Variants in UGT8 observed in about 807,000 individuals in gnomAD.
The protein encoded by UGT8 is 2-hydroxyacylsphingosine 1-beta-galactosyltransferase.
In UGT8, 12 loss-of-function variants were observed where a neutral mutation model predicts 40.5. That is an observed-to-expected ratio of 0.30 (90% CI 0.19 to 0.48). The LOEUF (loss-of-function observed/expected upper bound fraction) is 0.48, where lower values mean the gene tolerates loss of function less well. UGT8 is among the 20% of genes least tolerant of loss of function. UGT8 has a pLI of 0.99. For synonymous variants in UGT8, 224 were observed against 240.4 expected (o/e 0.93, Z 0.63); for missense variants, 513 against 648.7 (o/e 0.79, Z 2.27).
At chr4:114,652,230 A>G (rs1733932418) in intron 2 of UGT8, among the ~76,000 whole-genome samples, 1 of 152,058 alleles carries the variant, frequency 6.6e-6, no homozygotes, top group South Asian at 2.1e-4. Flanking sequence ...TACTTCTAAC[A>G]AAGGAAATCA....
At chr4:114,615,164 G>A (rs1731329277) in intron 1 of UGT8, among the ~76,000 whole-genome samples, 1 of 151,604 alleles carries the variant, frequency 6.6e-6, no homozygotes, top group Admixed American at 6.6e-5. Context: ...CACATGGTGG[G>A]ATATGAGTAC....
At chr4:114,670,074 C>T (rs192635502) in intron 5 of UGT8, among the ~76,000 whole-genome samples, 1 of 152,200 alleles carries the variant, frequency 6.6e-6, no homozygotes, top group African/African-American at 2.4e-5. Context: ...ATGAAGCCAG[C>T]ATTATCCTGA....
Position 114,677,916 on chromosome 4 carries a change from C to T in UGT8, c.*1628C>T, listed in dbSNP as rs1735749572. The T allele has an allele frequency of 6.6e-6, 1 of 152,214 alleles. No homozygotes were observed. Among genetic ancestry groups the T allele is most frequent in the South Asian group, 2.1e-4 (1 of 4,832 alleles). 9.4% of individuals were successfully genotyped at this position (152,214 alleles called of 1,614,324 possible). A position where few individuals can be genotyped will look rare whatever the true frequency, so the allele number is the denominator to read the frequency against. On this transcript the variant is annotated 3_prime_UTR_variant, in exon 6 of 6. Transcript: ENST00000310836. ...TCTCCTGCACTTAGAAATAATGTCA[C>T]AAGTAGTTTTCTAATGTACAATGCA...
At chr4:114,632,185 TA>T (rs1265765961) in intron 2 of UGT8, among the ~76,000 whole-genome samples, 3 of 152,298 alleles carry the variant, frequency 2.0e-5, no homozygotes, top group Admixed American at 6.5e-5. Context: ...GAATTCTGAT[TA>T]ATATAAACAT....
intron 2 of UGT8, among the ~76,000 whole-genome samples, chr4:114,627,179 C>A (rs1287806255): frequency 6.6e-6 from 1 of 150,612 alleles, no homozygotes; most frequent in Non-Finnish European, 1.5e-5. Context: ...CAGTAGAGAA[C>A]ATGGATAAAG....
In UGT8 at chr4:114,668,214, A is replaced by G. The variant is rs563311383; in HGVS notation, c.1172A>G (p.Gln391Arg). The G allele has an allele frequency of 2.5e-6, 4 of 1,613,936 alleles. No individual in the cohort carries two copies. Among genetic ancestry groups the G allele is most frequent in the African/African-American group, 1.3e-5 (1 of 75,040 alleles). ...CATTATGATACTATGACCAGAGTAC[A>G]GGCAAAAGGCATGGGGATATTGCTA... ...GDHYDTMTRVQAKGMGILLEW... is the reference protein window; with the variant it reads ...GDHYDTMTRVRAKGMGILLEW... Residue 391 changes from glutamine to arginine, a missense_variant, in exon 5 of 6, where the codon CAG becomes CGG. Around this residue, in one of 3 missense-constraint regions of UGT8, gnomAD observed 175 missense variants for 186.7 expected, o/e 0.94. Transcript: ENST00000310836.
intron 2 of UGT8, among the ~76,000 whole-genome samples, chr4:114,626,335 G>A (rs1732218551): frequency 1.3e-5 from 2 of 152,166 alleles, no homozygotes; most frequent in Admixed American, 6.5e-5. Context: ...GGAAGGCCCA[G>A]AAAGTAGCTG....
At chr4:114,641,961 A>G (rs1733249640) in intron 2 of UGT8, among the ~76,000 whole-genome samples, 1 of 152,206 alleles carries the variant, frequency 6.6e-6, no homozygotes, top group Non-Finnish European at 1.5e-5. Flanking sequence ...TTACAAGATG[A>G]CATGCAATAG....
Position 114,659,671 on chromosome 4 carries a change from G to A in UGT8, c.823-4324G>A, listed in dbSNP as rs995603118. ...ATTCCTGTATTGAGTGAAATGGAAG[G>A]CTTATTCTGTACCTTATCCACAAAT... On this transcript the variant is annotated intron_variant, in intron 2 of 5. Coordinates refer to ENST00000310836, the MANE Select transcript of UGT8 (RefSeq NM_001128174.3). 1.2e-4 allele frequency among the ~76,000 whole-genome samples: 19 copies of A among 152,184 alleles called. No individual in the cohort carries two copies. In the South Asian group the frequency reaches 3.7e-3, roughly 30 times the overall value.
intron 5 of UGT8, among the ~76,000 whole-genome samples, chr4:114,673,292 A>G (rs1735415331): frequency 6.6e-6 from 1 of 152,322 alleles, no homozygotes; most frequent in South Asian, 2.1e-4. Flanking sequence ...TTCAGCATGG[A>G]AAATACCTGC....
At chr4:114,660,190 A>C (rs1167222254) in intron 2 of UGT8, among the ~76,000 whole-genome samples, 2 of 152,192 alleles carry the variant, frequency 1.3e-5, no homozygotes, top group Non-Finnish European at 2.9e-5. Context: ...AAAAAAAGAC[A>C]TTTATCCTTC....
chr4:114,644,823 T>A (rs1427036825), intron 2 of UGT8, among the ~76,000 whole-genome samples: 1 of 152,178 alleles, frequency 6.6e-6, no homozygotes, highest in African/African-American at 2.4e-5. Flanking sequence ...CATACATCTC[T>A]GCATGGTCCC....
Position 114,657,189 on chromosome 4 carries a change from G to A in UGT8, c.823-6806G>A, listed in dbSNP as rs543369411. Among the ~76,000 whole-genome samples the A allele has an allele frequency of 1.5e-4, 22 of 151,494 alleles. No individual in the cohort carries two copies. The East Asian group carries it at 2.3e-3, about 16-fold the overall frequency. ...AGTACCTTGCCATCATCATATCCTCGGGATGTCCCTGCTGCTTGTGTTCAG... is the reference window on the plus strand; with the variant it reads ...AGTACCTTGCCATCATCATATCCTCAGGATGTCCCTGCTGCTTGTGTTCAG... On this transcript the variant is annotated intron_variant, in intron 2 of 5. Transcript: ENST00000310836.
intron 2 of UGT8, among the ~76,000 whole-genome samples, chr4:114,647,556 G>C (rs966620501): frequency 1.2e-4 from 18 of 152,082 alleles, no homozygotes; most frequent in Admixed American, 1.2e-3. Context: ...AGTAGAGGCG[G>C]GGTTTCACCA....
intron 2 of UGT8, 163 bp downstream of exon 2, chr4:114,623,865 C>G: frequency 1.8e-6 from 1 of 549,486 alleles, no homozygotes; most frequent in African/African-American, 2.0e-5. Context: ...GGGTCCACCA[C>G]TTCCCTGGGA....
At chr4:114,654,675 A>G (rs1303224808) in intron 2 of UGT8, among the ~76,000 whole-genome samples, 2 of 152,074 alleles carry the variant, frequency 1.3e-5, no homozygotes, top group Admixed American at 6.6e-5. Flanking sequence ...CTGATATGGC[A>G]TAGTGTTTGG....
intron 2 of UGT8, among the ~76,000 whole-genome samples, chr4:114,654,830 AG>A (rs915741042): frequency 9.9e-5 from 15 of 152,078 alleles, no homozygotes; most frequent in African/African-American, 3.6e-4. Context: ...TACCTGCCCA[AG>A]TTTATACAGT....
At chr4:114,642,613 T>C (rs1283616251) in intron 2 of UGT8, among the ~76,000 whole-genome samples, 3 of 152,178 alleles carry the variant, frequency 2.0e-5, no homozygotes, top group Non-Finnish European at 4.4e-5. Context: ...CTGAATAAAC[T>C]AGCCCTCATC....
At chr4:114,670,247 T>G (rs1252327293) in intron 5 of UGT8, among the ~76,000 whole-genome samples, 1 of 151,388 alleles carries the variant, frequency 6.6e-6, no homozygotes, top group African/African-American at 2.4e-5. Context: ...CTGGCTAACA[T>G]GGTGAAACCC....
Sources: allele counts gnomAD v4.1 joint callset (sites outside exome capture counted in the v4.1 genomes callset), GRCh38; gene constraint gnomAD v4.1.1; regional missense constraint gnomAD v4.1.1; transcripts MANE v1.5; gene names NCBI Gene and HGNC (gene_info 2026-07-23, HGNC 2026-07-21).